Variants in PRLR observed in about 807,000 individuals in gnomAD.
PRLR encodes the protein prolactin receptor.
Under a neutral mutation model 40.2 loss-of-function variants are expected in PRLR, and 13 were observed. That is an observed-to-expected ratio of 0.32 (90% CI 0.21 to 0.51). PRLR has a LOEUF of 0.51. Ranked by LOEUF, PRLR falls within the 20% of genes least tolerant of loss-of-function variation. PRLR has a pLI of 0.97. For missense variants in PRLR, 656 were observed against 747.3 expected (o/e 0.88, Z 1.42); for synonymous variants, 269 against 278.7 (o/e 0.97, Z 0.35).
At chr5:35,147,589 G>T (rs1454555431) in intron 1 of PRLR, among the ~76,000 whole-genome samples, 2 of 152,072 alleles carry the variant, frequency 1.3e-5, no homozygotes, top group African/African-American at 4.8e-5. Flanking sequence ...CTCAGGATTC[G>T]TTGAGAAAAA....
chr5:35,153,717 TACAC>T (rs35934860), intron 1 of PRLR, among the ~76,000 whole-genome samples: 67 of 143,468 alleles, frequency 4.7e-4, no homozygotes, highest in African/African-American at 1.8e-3. Flanking sequence ...CCCACCATTG[TACAC>T]ACACACACAC....
intron 5 of PRLR, 21 bp from the exon 6 acceptor site, chr5:35,072,765 C>G: frequency 6.2e-7 from 1 of 1,607,520 alleles, no homozygotes; most frequent in Non-Finnish European, 8.5e-7. Flanking sequence ...ACAGCAAATG[C>G]CAGTAGCACT....
chr5:35,184,418 G>A (rs1775371654), intron 1 of PRLR, among the ~76,000 whole-genome samples: 1 of 152,192 alleles, frequency 6.6e-6, no homozygotes. Context: ...GTAGGCTGAG[G>A]CAGGAGAATT....
chr5:35,054,595 T>C (rs1019975964), downstream of PRLR, among the ~76,000 whole-genome samples: 1 of 152,078 alleles, frequency 6.6e-6, no homozygotes, highest in South Asian at 2.1e-4. Flanking sequence ...AATAGGGAGA[T>C]TAATAAACTG....
chr5:35,107,305 C>G (rs1772325554), intron 2 of PRLR, among the ~76,000 whole-genome samples: 1 of 152,124 alleles, frequency 6.6e-6, no homozygotes, highest in Non-Finnish European at 1.5e-5. Context: ...CCTAACATCA[C>G]AATTAGAAGA....
In PRLR at chr5:35,225,742, C is replaced by T. The variant is rs559631498; in HGVS notation, c.-106+4526G>A. On this transcript the variant is annotated intron_variant, in intron 1 of 9. Transcript: ENST00000618457. Reference sequence around the variant, plus strand: ...TTTCACCCAGGCTGGAGTGCAATGGCGCAATCTTGGCTCACTGCAACCTCC... The same window carrying T: ...TTTCACCCAGGCTGGAGTGCAATGGTGCAATCTTGGCTCACTGCAACCTCC... Among the ~76,000 whole-genome samples the T allele has an allele frequency of 2.5e-4, 38 of 152,288 alleles. No individual in the cohort carries two copies. The Middle Eastern group carries it at 0.01, about 41-fold the overall frequency.
At chr5:35,072,082 GA>G (rs556325550) in intron 6 of PRLR, among the ~76,000 whole-genome samples, 55 of 151,902 alleles carry the variant, frequency 3.6e-4, no homozygotes, top group East Asian at 1.9e-3. Context: ...ACTTTTAGTA[GA>G]GATGGGGTTT....
intron 1 of PRLR, among the ~76,000 whole-genome samples, chr5:35,191,006 T>C (rs1017200241): frequency 1.3e-5 from 2 of 150,300 alleles, no homozygotes; most frequent in African/African-American, 4.9e-5. Flanking sequence ...CCTACAGACA[T>C]TGACCACACA....
At chr5:35,168,161 A>G (rs1774896259) in intron 1 of PRLR, among the ~76,000 whole-genome samples, 1 of 152,016 alleles carries the variant, frequency 6.6e-6, no homozygotes, top group Non-Finnish European at 1.5e-5. Flanking sequence ...TTCATCAGGA[A>G]AATAAAGATC....
At chr5:35,127,731 G>A (rs1429781633) in intron 1 of PRLR, among the ~76,000 whole-genome samples, 6 of 152,254 alleles carry the variant, frequency 3.9e-5, no homozygotes, top group Admixed American at 2.6e-4. Flanking sequence ...AAACAATATC[G>A]TAAGTGAAAG....
At chr5:35,136,749 A>G (rs1001162006) in intron 1 of PRLR, among the ~76,000 whole-genome samples, 3 of 151,960 alleles carry the variant, frequency 2.0e-5, no homozygotes, top group African/African-American at 7.3e-5. Flanking sequence ...GTGAATCTCT[A>G]CTTTTTACAG....
chr5:35,160,780 A>G (rs1365129090), intron 1 of PRLR, among the ~76,000 whole-genome samples: 1 of 152,206 alleles, frequency 6.6e-6, no homozygotes, highest in African/African-American at 2.4e-5. Context: ...AATCAGCTCA[A>G]GAGGACAGCT....
At chr5:35,134,363 T>A (rs769883175) in intron 1 of PRLR, among the ~76,000 whole-genome samples, 1 of 150,504 alleles carries the variant, frequency 6.6e-6, no homozygotes, top group African/African-American at 2.4e-5. Flanking sequence ...GCTGTGAAGA[T>A]CATATTGCTT....
chr5:35,087,373 A>G (rs1770920345), intron 3 of PRLR, among the ~76,000 whole-genome samples: 1 of 149,936 alleles, frequency 6.7e-6, no homozygotes, highest in Admixed American at 6.6e-5. Context: ...CCATTTCTGA[A>G]TCTTGGTTTT....
intron 6 of PRLR, among the ~76,000 whole-genome samples, chr5:35,071,294 T>G (rs995857664): frequency 6.6e-6 from 1 of 150,646 alleles, no homozygotes; most frequent in Non-Finnish European, 1.5e-5. Flanking sequence ...CCCAGTCTCC[T>G]CATTACACTG....
chr5:35,076,858 T>C (rs1035334983), intron 5 of PRLR, among the ~76,000 whole-genome samples: 1 of 152,140 alleles, frequency 6.6e-6, no homozygotes. Context: ...TGGCAGAAAC[T>C]CTAAAACCCA....
At chr5:35,192,800 A>G (rs892389283) in intron 1 of PRLR, among the ~76,000 whole-genome samples, 4 of 152,248 alleles carry the variant, frequency 2.6e-5, no homozygotes, top group Non-Finnish European at 5.9e-5. Flanking sequence ...GGATACGGAA[A>G]GCTTAATGGT....
chr5:35,130,640 A>T (rs1773639313), intron 1 of PRLR, among the ~76,000 whole-genome samples: 1 of 152,200 alleles, frequency 6.6e-6, no homozygotes, highest in East Asian at 1.9e-4. Flanking sequence ...GAGGACAAAA[A>T]TGGAAACCTT....
chr5:35,205,544 T>C (rs1026177338), intron 1 of PRLR, among the ~76,000 whole-genome samples: 1 of 26,896 alleles, frequency 3.7e-5, no homozygotes, highest in Non-Finnish European at 9.6e-5. Context: ...TATATCTGTA[T>C]GAAAATTCTC....
Sources: allele counts gnomAD v4.1 joint callset (sites outside exome capture counted in the v4.1 genomes callset), GRCh38; gene constraint gnomAD v4.1.1; transcripts MANE v1.5; gene names NCBI Gene and HGNC (gene_info 2026-07-23, HGNC 2026-07-21).